The following PPM1E variants were observed in gnomAD, a reference collection of about 807,000 sequenced individuals.
PPM1E encodes the protein protein phosphatase, Mg2+/Mn2+ dependent 1E.
A neutral mutation model predicts 65.9 loss-of-function variants in PPM1E; 20 were observed. The observed-to-expected ratio is 0.30, with a 90% confidence interval of 0.21 to 0.44. PPM1E has a LOEUF of 0.44. Among genes scored for constraint, PPM1E ranks in the 20% least tolerant of loss-of-function variants. PPM1E has a pLI of 1.00. For synonymous variants in PPM1E, 352 were observed against 374.9 expected, an observed-to-expected ratio of 0.94 and a Z score of 0.70; for missense variants, 713 against 953.1, an observed-to-expected ratio of 0.75 and a Z score of 3.32.
At chr17:58,917,152 G>A (rs1304496519) in intron 1 of PPM1E, among the ~76,000 whole-genome samples, 1 of 151,712 alleles carries the variant, frequency 6.6e-6, no homozygotes, top group African/African-American at 2.4e-5. Context: ...AGAGGTTGCA[G>A]TGAGCCGAGA....
At chr17:58,961,622 C>T (rs756725340) in intron 2 of PPM1E, among the ~76,000 whole-genome samples, 21 of 152,046 alleles carry the variant, frequency 1.4e-4, no homozygotes, top group Non-Finnish European at 2.6e-4. Flanking sequence ...TTAGAGGAAA[C>T]TGATATTACT....
intron 1 of PPM1E, among the ~76,000 whole-genome samples, chr17:58,902,256 A>T (rs561252457): frequency 2.6e-5 from 4 of 152,296 alleles, no homozygotes; most frequent in African/African-American, 7.2e-5. Flanking sequence ...CAAGAGTGTA[A>T]GAATTTTTTT....
At chr17:58,857,727 A>G (rs2050897801) in intron 1 of PPM1E, among the ~76,000 whole-genome samples, 2 of 152,118 alleles carry the variant, frequency 1.3e-5, no homozygotes, top group African/African-American at 2.4e-5. Context: ...CTGGAACAGC[A>G]CACAACAGAC....
chr17:58,926,336 TAAAA>T (rs61085833), intron 1 of PPM1E, among the ~76,000 whole-genome samples: 5 of 136,780 alleles, frequency 3.7e-5, no homozygotes, highest in African/African-American at 1.3e-4. Context: ...TTGTCTAAAT[TAAAA>T]AAAAAAAAAA....
intron 1 of PPM1E, among the ~76,000 whole-genome samples, chr17:58,896,048 G>A (rs2051410182): frequency 6.9e-6 from 1 of 145,496 alleles, no homozygotes; most frequent in South Asian, 2.2e-4. Context: ...CTGGGAGGCG[G>A]AGCTTGCAGT....
At chr17:58,832,262 T>C (rs1002249581) in intron 1 of PPM1E, among the ~76,000 whole-genome samples, 2 of 152,176 alleles carry the variant, frequency 1.3e-5, no homozygotes, top group Non-Finnish European at 2.9e-5. Flanking sequence ...GAATTAACTG[T>C]TCTTAAAGAA....
chr17:58,940,883 G>A (rs1194134436), intron 1 of PPM1E, among the ~76,000 whole-genome samples: 1 of 152,080 alleles, frequency 6.6e-6, no homozygotes, highest in Non-Finnish European at 1.5e-5. Flanking sequence ...GCTAATTTTT[G>A]TATTTTTAGT....
chr17:58,918,649 A>G (rs1401780893), intron 1 of PPM1E, among the ~76,000 whole-genome samples: 1 of 151,866 alleles, frequency 6.6e-6, no homozygotes, highest in African/African-American at 2.4e-5. Flanking sequence ...CTACTAAAAT[A>G]CAAAAAATTC....
intron 1 of PPM1E, among the ~76,000 whole-genome samples, chr17:58,837,085 A>T (rs1283150970): frequency 6.6e-6 from 1 of 150,504 alleles, no homozygotes; most frequent in Non-Finnish European, 1.5e-5. Context: ...GCCACAAAAA[A>T]TTTAAGATCA....
At chr17:58,789,513 G>A (rs1443780063) in intron 1 of PPM1E, among the ~76,000 whole-genome samples, 2 of 152,016 alleles carry the variant, frequency 1.3e-5, no homozygotes, top group South Asian at 2.1e-4. Context: ...CTTTCATCAT[G>A]TGTCTCCGTG....
At chr17:58,955,387 CA>C (rs1806830416) in intron 1 of PPM1E, among the ~76,000 whole-genome samples, 1 of 152,014 alleles carries the variant, frequency 6.6e-6, no homozygotes, top group South Asian at 2.1e-4. Context: ...CAAACAGAAA[CA>C]AACTTATCCT....
intron 1 of PPM1E, among the ~76,000 whole-genome samples, chr17:58,773,324 C>T (rs1460559394): frequency 2.6e-5 from 4 of 151,992 alleles, no homozygotes; most frequent in African/African-American, 4.8e-5. Flanking sequence ...ATAACTTTTC[C>T]GTGTTTGAAG....
At chr17:58,911,660 C>T (rs190651927) in intron 1 of PPM1E, among the ~76,000 whole-genome samples, 96 of 152,134 alleles carry the variant, frequency 6.3e-4, no homozygotes, top group African/African-American at 1.4e-3. Flanking sequence ...TTCTTTTGTA[C>T]GTTTTTAATA....
chr17:58,756,061 T>C lies in PPM1E; in HGVS notation c.64T>C (p.Phe22Leu), dbSNP rs1248338070. 7 of 1,613,698 alleles carry C rather than the reference T, an allele frequency of 4.3e-6. No homozygotes were observed. The highest frequency in any genetic ancestry group is 5.9e-6 in the Non-Finnish European group (7 of 1,179,906). ...CTTCCTGGAGCTATTCCTGGGCGAG[T>C]TTCGCGGACCGTGCGGCGGCGGCGA... The part of the protein sequence containing the change: ...RRFLELFLGE[F>L]RGPCGGGEPE... The change falls in exon 1 of 7, where the codon TTT becomes CTT. Residue 22 changes from phenylalanine (F) to leucine (L), a missense_variant. Phe to Leu is a conservative substitution (Grantham distance 22, BLOSUM62 0). Around this residue, in one of 6 missense-constraint regions of PPM1E, gnomAD observed 212 missense variants for 204.0 expected, o/e 1.04. Coordinates refer to ENST00000308249, the MANE Select transcript of PPM1E (RefSeq NM_014906.5).
intron 3 of PPM1E, among the ~76,000 whole-genome samples, chr17:58,967,138 A>G (rs2030302876): frequency 6.6e-6 from 1 of 152,336 alleles, no homozygotes; most frequent in Non-Finnish European, 1.5e-5. Flanking sequence ...CTATAGTGAA[A>G]TAGATTTTAA....
At chr17:58,830,932 G>A (rs1034047709) in intron 1 of PPM1E, among the ~76,000 whole-genome samples, 12 of 150,894 alleles carry the variant, frequency 8.0e-5, no homozygotes, top group African/African-American at 1.7e-4. Context: ...TGATCCACCC[G>A]CCTTGGCCTC....
At chr17:58,968,538 A>T (rs1217842758) in intron 3 of PPM1E, among the ~76,000 whole-genome samples, 1 of 152,182 alleles carries the variant, frequency 6.6e-6, no homozygotes, top group Non-Finnish European at 1.5e-5. Context: ...AGATGAGAAA[A>T]CTACATGATT....
intron 1 of PPM1E, among the ~76,000 whole-genome samples, chr17:58,835,204 G>C (rs2050642950): frequency 6.6e-6 from 1 of 152,042 alleles, no homozygotes; most frequent in Admixed American, 6.5e-5. Flanking sequence ...CGCCAACCAT[G>C]GTGGCACGTG....
At chr17:58,922,176 A>T (rs970101760) in intron 1 of PPM1E, among the ~76,000 whole-genome samples, 4 of 145,046 alleles carry the variant, frequency 2.8e-5, no homozygotes, top group Non-Finnish European at 6.1e-5. Flanking sequence ...AGAAGAGTTG[A>T]TTTTTTTTTT....
Sources: gnomAD v4.1 joint callset for allele counts (sites outside exome capture counted in the v4.1 genomes callset) on GRCh38, gnomAD v4.1.1 for gene constraint, gnomAD v4.1.1 regional missense constraint, MANE v1.5 for transcripts, NCBI Gene and HGNC (gene_info 2026-07-23, HGNC 2026-07-21) for gene names.